Variants in IQGAP2 observed in about 807,000 individuals in gnomAD.
IQGAP2 encodes IQ motif containing GTPase activating protein 2, also known as ras GTPase-activating-like protein IQGAP2.
In IQGAP2, 173 loss-of-function variants were observed where a neutral mutation model predicts 201.3. That is an observed-to-expected ratio of 0.86 (90% CI 0.76 to 0.98). The LOEUF (loss-of-function observed/expected upper bound fraction) is 0.98, where lower values mean the gene tolerates loss of function less well. Among genes scored for constraint, IQGAP2 ranks in the 50% least tolerant of loss-of-function variants. The pLI is 0.00. For synonymous variants in IQGAP2, 675 were observed against 673.9 expected (o/e 1.00, Z -0.03); for missense variants, 1,687 against 1,864.8 (o/e 0.90, Z 1.76).
At chr5:76,661,400 G>C (rs1380066107) in intron 21 of IQGAP2, among the ~76,000 whole-genome samples, 8 of 152,232 alleles carry the variant, frequency 5.3e-5, no homozygotes, top group South Asian at 2.1e-4. Context: ...GTATAGGTCA[G>C]CCTAGCTGGA....
chr5:76,460,117 T>A (rs62363257), intron 1 of IQGAP2, among the ~76,000 whole-genome samples: 1 of 151,916 alleles, frequency 6.6e-6, no homozygotes, highest in African/African-American at 2.4e-5. Context: ...TCCCCTAGTT[T>A]GGAGAGACAG....
intron 2 of IQGAP2, among the ~76,000 whole-genome samples, chr5:76,559,636 C>A (rs180743190): frequency 1.3e-5 from 2 of 152,330 alleles, no homozygotes. Flanking sequence ...GCTTCCGGTT[C>A]TCTCCCTGCC....
At chr5:76,617,307 T>C (rs1749074202) in intron 13 of IQGAP2, 2 of 294,352 alleles carry the variant, frequency 6.8e-6, no homozygotes, top group East Asian at 6.3e-5. Context: ...TTTTAGTAGC[T>C]GGGCATGGTG....
Position 76,426,717 on chromosome 5 carries a change from G to T in IQGAP2, c.46+23126G>T, listed in dbSNP as rs562155640. On this transcript the variant is annotated intron_variant, in intron 1 of 35. Coordinates refer to ENST00000274364, the MANE Select transcript of IQGAP2 (RefSeq NM_006633.5). ...GGCGCTGGACGAGAGGATCACTAAGGCCCCTTCCAGCTCTCACAGCCCATG... is the reference window on the plus strand; with the variant it reads ...GGCGCTGGACGAGAGGATCACTAAGTCCCCTTCCAGCTCTCACAGCCCATG... Among the ~76,000 whole-genome samples the T allele has an allele frequency of 2.6e-5, 4 of 152,260 alleles. No homozygotes were observed. In the South Asian group the frequency reaches 8.3e-4, roughly 32 times the overall value.
chr5:76,454,218 ATATG>A (rs1430591197), intron 1 of IQGAP2, among the ~76,000 whole-genome samples: 1 of 152,176 alleles, frequency 6.6e-6, no homozygotes, highest in African/African-American at 2.4e-5. Flanking sequence ...AGCCCTCTGT[ATATG>A]GGCCTTAATG....
In IQGAP2 at chr5:76,618,816, AGAAC is replaced by A. The variant is rs560358747; in HGVS notation, c.1521+7634_1521+7637del. Reference sequence around the variant, plus strand: ...ATATTTAATACATATCATATGCCCCAGAACAACACTATCTTGTGCGGAAACAAAA... The same window carrying A: ...ATATTTAATACATATCATATGCCCCAAACACTATCTTGTGCGGAAACAAAA... On this transcript the variant is annotated intron_variant, in intron 13 of 35. Coordinates refer to ENST00000274364, the MANE Select transcript of IQGAP2 (RefSeq NM_006633.5). 7.2e-5 allele frequency among the ~76,000 whole-genome samples: 11 copies of A among 152,364 alleles called. 1 individual carries two copies. Among genetic ancestry groups the A allele is most frequent in the African/African-American group, 1.2e-4 (5 of 41,582 alleles).
chr5:76,520,773 T>C (rs1348444996), intron 2 of IQGAP2, among the ~76,000 whole-genome samples: 1 of 144,214 alleles, frequency 6.9e-6, no homozygotes, highest in Non-Finnish European at 1.5e-5. Context: ...AGTGGCACGA[T>C]CTCGGCTCAC....
At chr5:76,458,901 A>AT (rs1165581822) in intron 1 of IQGAP2, among the ~76,000 whole-genome samples, 58 of 152,262 alleles carry the variant, frequency 3.8e-4, no homozygotes, top group African/African-American at 1.3e-3. Context: ...TTTACAGAGC[A>AT]TGCAGCCTGT....
intron 5 of IQGAP2, among the ~76,000 whole-genome samples, chr5:76,584,640 G>C (rs544279913): frequency 7.1e-4 from 108 of 152,292 alleles, no homozygotes; most frequent in Non-Finnish European, 1.3e-3. Flanking sequence ...CGGTACCCAA[G>C]ACAGCTAATG....
chr5:76,689,230 T>TAAAAAAAAAAAAAAAAAAAA (rs11424254), intron 30 of IQGAP2, among the ~76,000 whole-genome samples: 9 of 86,490 alleles, frequency 1.0e-4, no homozygotes, highest in African/African-American at 4.3e-4. Context: ...CAGGGATATT[T>TAAAAAAAAAAAAAAAAAAAA]AAAAAAAAAA....
At chr5:76,686,340 T>G (rs535958514) in intron 30 of IQGAP2, among the ~76,000 whole-genome samples, 5 of 140,094 alleles carry the variant, frequency 3.6e-5, no homozygotes, top group South Asian at 2.2e-4. Context: ...ATCTGTTTTT[T>G]TTGTTGTTGT....
chr5:76,500,595 A>G (rs2150168011), intron 2 of IQGAP2, among the ~76,000 whole-genome samples: 1 of 152,332 alleles, frequency 6.6e-6, no homozygotes, highest in East Asian at 1.9e-4. Context: ...CCACTTTCCA[A>G]TTTAAGAGCT....
At chr5:76,476,379 A>G (rs1254950811) in intron 2 of IQGAP2, among the ~76,000 whole-genome samples, 1 of 152,126 alleles carries the variant, frequency 6.6e-6, no homozygotes, top group African/African-American at 2.4e-5. Flanking sequence ...TTTATTTGGG[A>G]AAGTGATGAC....
At chr5:76,589,857 T>C in intron 7 of IQGAP2, 129 bp downstream of exon 7, 1 of 481,772 alleles carries the variant, frequency 2.1e-6, no homozygotes, top group Admixed American at 4.1e-5. Context: ...TTATTATTTG[T>C]TTTATAGATG....
intron 2 of IQGAP2, among the ~76,000 whole-genome samples, chr5:76,485,326 A>G (rs1325776614): frequency 6.6e-6 from 1 of 152,220 alleles, no homozygotes; most frequent in Non-Finnish European, 1.5e-5. Flanking sequence ...CAACATATTC[A>G]CATATGGCAA....
intron 23 of IQGAP2, among the ~76,000 whole-genome samples, chr5:76,669,305 G>A (rs937549671): frequency 6.6e-6 from 1 of 152,184 alleles, no homozygotes; most frequent in African/African-American, 2.4e-5. Context: ...AAACAAGCAT[G>A]AGAAATGTCC....
chr5:76,624,259 CTT>C (rs1750015730), intron 13 of IQGAP2: 1 of 152,036 alleles, frequency 6.6e-6, no homozygotes, highest in South Asian at 2.1e-4. Context: ...TAGAGTATGA[CTT>C]AATATACAGT....
At chr5:76,545,924 C>T (rs751096633) in intron 2 of IQGAP2, among the ~76,000 whole-genome samples, 2 of 152,218 alleles carry the variant, frequency 1.3e-5, no homozygotes, top group African/African-American at 2.4e-5. Flanking sequence ...ACACTCTCTC[C>T]TGTCATCAGA....
chr5:76,485,198 G>A (rs916706179), intron 2 of IQGAP2, among the ~76,000 whole-genome samples: 2 of 152,166 alleles, frequency 1.3e-5, no homozygotes, highest in African/African-American at 4.8e-5. Flanking sequence ...AGGGAAGAGA[G>A]CTGAGCCTAT....
Sources: allele counts gnomAD v4.1 joint callset (sites outside exome capture counted in the v4.1 genomes callset), GRCh38; gene constraint gnomAD v4.1.1; transcripts MANE v1.5; gene names NCBI Gene and HGNC (gene_info 2026-07-23, HGNC 2026-07-21).